TINAG: variants seen among roughly 807,000 people sequenced by gnomAD.
TINAG encodes tubulointerstitial nephritis antigen.
TINAG carries 83 observed loss-of-function variants against 72.7 expected under a neutral mutation model. The ratio of observed to expected loss-of-function variants is 1.14; its 90% CI spans 0.96 to 1.37. The LOEUF (loss-of-function observed/expected upper bound fraction) is 1.37, where lower values mean the gene tolerates loss of function less well. Ranked by LOEUF, TINAG falls within the 40% of genes most tolerant of loss-of-function variation. The probability of loss-of-function intolerance (pLI) is 0.00; values close to 1 mark genes in which losing one functional copy is unlikely to be tolerated. For missense variants in TINAG, 685 were observed against 576.6 expected (o/e 1.19, Z -1.93); for synonymous variants, 234 against 189.9 (o/e 1.23, Z -1.91).
rs769892466 is a variant in TINAG at position 54,382,002 on chromosome 6, T to TAC, written c.1296+1443_1296+1444dup. Among the ~76,000 whole-genome samples the TAC allele has an allele frequency of 1.5e-4, 23 of 151,882 alleles. No individual in the cohort carries two copies. The East Asian group carries it at 2.9e-3, about 19-fold the overall frequency. ...CCTACCTCTAGGTAGTGTATATGTG[T>TAC]ACACACACACACATACACATACGCT... On this transcript the variant is annotated intron_variant, in intron 10 of 10. Coordinates refer to ENST00000259782, the MANE Select transcript of TINAG (RefSeq NM_014464.4).
chr6:54,317,307 G>A (rs1784393939), intron 1 of TINAG, among the ~76,000 whole-genome samples: 1 of 151,962 alleles, frequency 6.6e-6, no homozygotes, highest in Non-Finnish European at 1.5e-5. Flanking sequence ...GTTTGGCTGT[G>A]TCACCACCCA....
At chr6:54,353,215 A>C (rs1219636911) in intron 8 of TINAG, among the ~76,000 whole-genome samples, 1 of 151,820 alleles carries the variant, frequency 6.6e-6, no homozygotes, top group Admixed American at 6.6e-5. Flanking sequence ...TAATGAATAC[A>C]TTTTATTTAT....
rs779637104 is a variant in TINAG at position 54,347,460 on chromosome 6, G to A, written c.842G>A (p.Arg281His). ...TTGATCTCTTGCTGTGCCAAGAACC[G>A]TCATGGATGCAATAGTGGAAGCATC... ...QNLISCCAKN[R>H]HGCNSGSIDR... The change falls in exon 6 of 11, where the codon CGT (arginine) becomes CAT (histidine). Residue 281 changes from arginine (R) to histidine (H), a missense_variant. Physicochemically the swap from Arg to His is conservative, Grantham distance 29. Transcript: ENST00000259782. 1.1e-5 allele frequency: 17 copies of A among 1,613,162 alleles called. No individual in the cohort carries two copies. The highest frequency in any genetic ancestry group is 1.7e-4 in the Middle Eastern group (1 of 6,058).
At chr6:54,324,489 T>C (rs1183276810) in intron 3 of TINAG, among the ~76,000 whole-genome samples, 2 of 152,208 alleles carry the variant, frequency 1.3e-5, no homozygotes, top group Non-Finnish European at 2.9e-5. Flanking sequence ...CCACTTTCTA[T>C]TGGGTAAAGC....
chr6:54,353,148 T>G (rs1163027708), intron 8 of TINAG, among the ~76,000 whole-genome samples: 1 of 151,836 alleles, frequency 6.6e-6, no homozygotes, highest in Non-Finnish European at 1.5e-5. Context: ...AAGCCATCTT[T>G]CAGGTAATTA....
At chr6:54,310,076 CGTGTGT>C (rs138971244) in intron 1 of TINAG, among the ~76,000 whole-genome samples, 4 of 127,648 alleles carry the variant, frequency 3.1e-5, no homozygotes, top group Non-Finnish European at 4.8e-5. Context: ...CTTTTTTTTC[CGTGTGT>C]GTGTGTGTGT....
intron 6 of TINAG, among the ~76,000 whole-genome samples, chr6:54,349,423 C>T (rs1407365555): frequency 6.6e-6 from 1 of 151,862 alleles, no homozygotes; most frequent in Admixed American, 6.6e-5. Flanking sequence ...TTACCACAGA[C>T]TTAATATTGA....
Position 54,308,620 on chromosome 6 carries a change from T to A in TINAG, c.70T>A (p.Leu24Ile), listed in dbSNP as rs200013488. The A allele has an allele frequency of 6.2e-7, 1 of 1,613,744 alleles. No homozygotes were observed. Among genetic ancestry groups the A allele is most frequent in the East Asian group, 2.2e-5 (1 of 44,864 alleles). The change falls in exon 1 of 11, where the codon TTA (leucine) becomes ATA (isoleucine). Residue 24 changes from leucine to isoleucine, a missense_variant. Leu to Ile is a conservative substitution (Grantham distance 5). Transcript: ENST00000259782. ...TTEIWMEKQY[L>I]SQREVDLEAY... ...AGAAATCTGGATGGAGAAGCAGTAT[T>A]TATCTCAAAGAGAAGTGGACCTAGA...
chr6:54,314,300 C>T (rs1305093141), intron 1 of TINAG, among the ~76,000 whole-genome samples: 1 of 152,110 alleles, frequency 6.6e-6, no homozygotes, highest in African/African-American at 2.4e-5. Context: ...TAGAAAATGG[C>T]CCTTGTAGTC....
At chr6:54,320,677 C>G (rs1562148722) in intron 2 of TINAG, 35 bp downstream of exon 2, 1 of 1,519,192 alleles carries the variant, frequency 6.6e-7, no homozygotes. Context: ...CTGAGTTCTA[C>G]TGTGTGTGTA....
intron 9 of TINAG, among the ~76,000 whole-genome samples, chr6:54,370,231 C>T (rs1763562465): frequency 6.6e-6 from 1 of 151,840 alleles, no homozygotes; most frequent in African/African-American, 2.4e-5. Context: ...TATTTTATGC[C>T]CACCTTAAGT....
At chr6:54,337,509 C>T (rs1288990052) in intron 4 of TINAG, among the ~76,000 whole-genome samples, 1 of 152,002 alleles carries the variant, frequency 6.6e-6, no homozygotes, top group East Asian at 1.9e-4. Context: ...CCGCTTCGGC[C>T]TCCCAAAATG....
chr6:54,346,051 T>C (rs1785113926), intron 5 of TINAG, among the ~76,000 whole-genome samples: 1 of 152,064 alleles, frequency 6.6e-6, no homozygotes, highest in Non-Finnish European at 1.5e-5. Context: ...TGAACAAGAC[T>C]GTACCAGATA....
rs899392592 is a variant in TINAG at position 54,351,486 on chromosome 6, TAAAGA to T, written c.1126+93_1126+97del. The T allele has an allele frequency of 7.8e-6, 10 of 1,287,596 alleles. No individual in the cohort carries two copies. The African/African-American group carries it at 1.1e-4, about 14-fold the overall frequency. The allele number at this position is 1,287,596 out of a possible 1,614,324, so 79.8% of individuals were successfully genotyped here. On this transcript the variant is annotated intron_variant, in intron 8 of 10. Transcript: ENST00000259782. ...CTCATGTAATAGGAGTTTAATAAAA[TAAAGA>T]AAATTTTTACTTTAAGAGTATCCAA...
intron 9 of TINAG, among the ~76,000 whole-genome samples, chr6:54,380,102 C>T (rs977600685): frequency 6.6e-6 from 1 of 152,154 alleles, no homozygotes; most frequent in Non-Finnish European, 1.5e-5. Flanking sequence ...CTGTAAAGGA[C>T]ATGAACTCAC....
chr6:54,367,455 C>A (rs1217262718), intron 9 of TINAG, among the ~76,000 whole-genome samples: 1 of 151,748 alleles, frequency 6.6e-6, no homozygotes, highest in Admixed American at 6.6e-5. Flanking sequence ...ATAGTGGAGA[C>A]AGCTACATGG....
At chr6:54,349,932 T>A (rs773806994) in intron 7 of TINAG, 36 bp downstream of exon 7, 3 of 1,469,730 alleles carry the variant, frequency 2.0e-6, no homozygotes, top group Non-Finnish European at 2.7e-6. Flanking sequence ...AATAGTTGGC[T>A]TTCTCAAATG....
chr6:54,347,649 A>G, intron 6 of TINAG, 132 bp downstream of exon 6: 1 of 916,970 alleles, frequency 1.1e-6, no homozygotes, highest in Non-Finnish European at 1.6e-6. Flanking sequence ...ATGAATATAA[A>G]TATGCTACAT....
rs1041608334 is a variant in TINAG, at chr6:54,347,479, A to G, written c.861A>G (p.Gly287=). ...CAKNRHGCNS[G]SIDRAWWYLR... is the part of the protein sequence containing the mutation. Reference sequence around the variant, plus strand: ...AGAACCGTCATGGATGCAATAGTGGAAGCATCGATAGGGCTTGGTGGTACC... The same window carrying G: ...AGAACCGTCATGGATGCAATAGTGGGAGCATCGATAGGGCTTGGTGGTACC... The change falls in exon 6 of 11, where the codon GGA becomes GGG. Residue 287 remains glycine (G), a synonymous_variant. Coordinates refer to ENST00000259782, the MANE Select transcript of TINAG (RefSeq NM_014464.4). 6.2e-7 allele frequency: 1 copy of G among 1,613,156 alleles called. No homozygotes were observed. The highest frequency in any genetic ancestry group is 8.5e-7 in the Non-Finnish European group (1 of 1,179,470).
Sources: allele counts gnomAD v4.1 joint callset (sites outside exome capture counted in the v4.1 genomes callset), GRCh38; gene constraint gnomAD v4.1.1; transcripts MANE v1.5; gene names NCBI Gene and HGNC (gene_info 2026-07-23, HGNC 2026-07-21).